NDUFAF2: variants seen among roughly 807,000 people sequenced by gnomAD.
NDUFAF2 encodes NADH:ubiquinone oxidoreductase complex assembly factor 2, also known as NADH dehydrogenase [ubiquinone] 1 alpha subcomplex assembly factor 2.
NDUFAF2 carries 13 observed loss-of-function variants against 22.8 expected under a neutral mutation model. That is an observed-to-expected ratio of 0.57 (90% CI 0.37 to 0.91). The LOEUF is 0.91. Ranked by LOEUF, NDUFAF2 falls within the 40% of genes least tolerant of loss-of-function variation. NDUFAF2 has a pLI of 0.01. For synonymous variants in NDUFAF2, 53 were observed against 64.2 expected (o/e 0.83, Z 0.84); for missense variants, 162 against 195.2 (o/e 0.83, Z 1.01).
At chr5:60,973,756 T>A (rs577022500) in intron 1 of NDUFAF2, among the ~76,000 whole-genome samples, 46 of 152,304 alleles carry the variant, frequency 3.0e-4, no homozygotes, top group African/African-American at 1.1e-3. Flanking sequence ...GTCCTCTGGT[T>A]TTTCAAGATC....
At chr5:61,145,926 C>T (rs1252941647) in intron 3 of NDUFAF2, 2 of 152,152 alleles carry the variant, frequency 1.3e-5, no homozygotes, top group Non-Finnish European at 2.9e-5. Flanking sequence ...ATGCATGACT[C>T]TCAATTGTCA....
intron 1 of NDUFAF2, among the ~76,000 whole-genome samples, chr5:61,048,099 T>G (rs1035698402): frequency 3.3e-5 from 5 of 152,166 alleles, no homozygotes; most frequent in Non-Finnish European, 7.4e-5. Flanking sequence ...CAAATTTAAG[T>G]GTGTCCCTGA....
intron 3 of NDUFAF2, among the ~76,000 whole-genome samples, chr5:61,120,261 A>G (rs767070417): frequency 2.0e-5 from 3 of 152,192 alleles, no homozygotes; most frequent in Non-Finnish European, 4.4e-5. Context: ...ATCATGAATC[A>G]TTTGAATGTT....
intron 1 of NDUFAF2, among the ~76,000 whole-genome samples, chr5:61,021,245 T>A (rs1751579983): frequency 1.3e-5 from 2 of 152,102 alleles, no homozygotes; most frequent in Admixed American, 1.3e-4. Flanking sequence ...CAGGGCTGTG[T>A]TTCTTCTTGA....
intron 3 of NDUFAF2, among the ~76,000 whole-genome samples, chr5:61,133,897 A>G (rs1467118391): frequency 6.6e-6 from 1 of 152,236 alleles, no homozygotes; most frequent in African/African-American, 2.4e-5. Flanking sequence ...AGCATAATAC[A>G]TACACTTTTA....
intron 1 of NDUFAF2, among the ~76,000 whole-genome samples, chr5:61,034,116 C>A (rs994305200): frequency 2.6e-5 from 4 of 151,908 alleles, no homozygotes; most frequent in Admixed American, 2.0e-4. Flanking sequence ...AGAAGAGGAG[C>A]CTTCAGAAAG....
At chr5:60,948,019 G>A (rs1219196026) in intron 1 of NDUFAF2, among the ~76,000 whole-genome samples, 4 of 152,016 alleles carry the variant, frequency 2.6e-5, no homozygotes, top group Non-Finnish European at 5.9e-5. Flanking sequence ...TGCTTAAAAT[G>A]TATAATTTGG....
At chr5:61,083,665 A>C (rs1363022742) in intron 2 of NDUFAF2, among the ~76,000 whole-genome samples, 1 of 151,422 alleles carries the variant, frequency 6.6e-6, no homozygotes, top group Admixed American at 6.6e-5. Context: ...GGTGTGAGCC[A>C]CCCCTCCGGC....
chr5:61,073,326 G>A, intron 2 of NDUFAF2, 112 bp downstream of exon 2: 1 of 820,932 alleles, frequency 1.2e-6, no homozygotes, highest in Non-Finnish European at 2.1e-6. Flanking sequence ...AAAAGTTTTA[G>A]TGTCTGAATG....
At chr5:60,975,065 T>C (rs1372870138) in intron 1 of NDUFAF2, among the ~76,000 whole-genome samples, 1 of 152,182 alleles carries the variant, frequency 6.6e-6, no homozygotes, top group Non-Finnish European at 1.5e-5. Context: ...TGCCTTGGCC[T>C]CCCAAAGTGC....
intron 3 of NDUFAF2, among the ~76,000 whole-genome samples, chr5:61,117,559 TTGCCTAGGTTTATC>T (rs1752926378): frequency 6.6e-6 from 1 of 152,118 alleles, no homozygotes; most frequent in Non-Finnish European, 1.5e-5. Context: ...TTTCACTATG[TTGCCTAGGTTTATC>T]TGCAACTGTT....
intron 1 of NDUFAF2, among the ~76,000 whole-genome samples, chr5:61,010,985 G>A (rs1209109457): frequency 3.9e-5 from 6 of 152,010 alleles, no homozygotes; most frequent in East Asian, 1.9e-4. Flanking sequence ...ATGAGATGGC[G>A]CTGTAAGGAC....
chr5:61,015,825 C>T (rs913694562), intron 1 of NDUFAF2, among the ~76,000 whole-genome samples: 1 of 152,044 alleles, frequency 6.6e-6, no homozygotes. Flanking sequence ...TTTCCTTGCC[C>T]TGTCTTATGG....
chr5:61,133,833 T>C (rs765248566), intron 3 of NDUFAF2, among the ~76,000 whole-genome samples: 49 of 152,306 alleles, frequency 3.2e-4, no homozygotes, highest in Admixed American at 5.2e-4. Flanking sequence ...AGGCCCTGAA[T>C]TGTGGGAGAC....
At chr5:61,033,953 C>T (rs1751761945) in intron 1 of NDUFAF2, among the ~76,000 whole-genome samples, 1 of 152,146 alleles carries the variant, frequency 6.6e-6, no homozygotes, top group Non-Finnish European at 1.5e-5. Context: ...GAGAACTAGA[C>T]ATCTGTGACT....
chr5:61,058,025 C>T (rs1429990711), intron 1 of NDUFAF2, among the ~76,000 whole-genome samples: 4 of 152,104 alleles, frequency 2.6e-5, no homozygotes, highest in African/African-American at 9.7e-5. Context: ...ATATTTAAAA[C>T]TGCCACATAT....
At chr5:60,992,215 A>G (rs1323332948) in intron 1 of NDUFAF2, among the ~76,000 whole-genome samples, 3 of 152,186 alleles carry the variant, frequency 2.0e-5, no homozygotes, top group Non-Finnish European at 4.4e-5. Flanking sequence ...TCAGATGGGT[A>G]GTTGGCAAAT....
intron 3 of NDUFAF2, among the ~76,000 whole-genome samples, chr5:61,121,588 A>G (rs1244466417): frequency 6.6e-6 from 1 of 152,120 alleles, no homozygotes; most frequent in African/African-American, 2.4e-5. Flanking sequence ...TTTTGTGTCA[A>G]CTTGGCTAGA....
At chr5:61,074,578 T>C (rs1288707636) in intron 2 of NDUFAF2, among the ~76,000 whole-genome samples, 1 of 138,420 alleles carries the variant, frequency 7.2e-6, no homozygotes, top group Non-Finnish European at 1.5e-5. Flanking sequence ...AGAGTGAGAC[T>C]CCATCTCAGA....
Sources: gnomAD v4.1 joint callset for allele counts (sites outside exome capture counted in the v4.1 genomes callset) on GRCh38, gnomAD v4.1.1 for gene constraint, MANE v1.5 for transcripts, NCBI Gene and HGNC (gene_info 2026-07-23, HGNC 2026-07-21) for gene names.